CORIN: variants seen among roughly 807,000 people sequenced by gnomAD.
CORIN encodes the protein corin, serine peptidase, also known as atrial natriuretic peptide-converting enzyme.
In CORIN, 117 loss-of-function variants were observed where a neutral mutation model predicts 125.3. That is an observed-to-expected ratio of 0.93 (90% confidence interval 0.80 to 1.09). CORIN has a LOEUF of 1.09. Among genes scored for constraint, CORIN ranks in the 50% least tolerant of loss-of-function variants. CORIN has a pLI of 0.00. For missense variants in CORIN, 1,253 were observed against 1,306.7 expected, an observed-to-expected ratio of 0.96 and a Z score of 0.63; for synonymous variants, 450 against 466.4, an observed-to-expected ratio of 0.96 and a Z score of 0.45.
At chr4:47,755,953 A>G (rs1013453807) in intron 4 of CORIN, among the ~76,000 whole-genome samples, 4 of 152,218 alleles carry the variant, frequency 2.6e-5, no homozygotes, top group African/African-American at 9.6e-5. Flanking sequence ...CAGCTATTTA[A>G]TGAGCACCTG....
At chr4:47,766,946 C>CA (rs1045606316) in intron 3 of CORIN, among the ~76,000 whole-genome samples, 9,010 of 62,864 alleles carry the variant, frequency 0.14, 559 homozygotes, top group African/African-American at 0.25. Context: ...GACTCTGTCT[C>CA]AAAAAAAAAA....
intron 5 of CORIN, among the ~76,000 whole-genome samples, chr4:47,712,291 TTTTTA>T (rs1417422777): frequency 6.6e-6 from 1 of 152,182 alleles, no homozygotes; most frequent in Non-Finnish European, 1.5e-5. Context: ...CATTTAATTA[TTTTTA>T]TTTTGAGACA....
intron 5 of CORIN, among the ~76,000 whole-genome samples, chr4:47,717,901 A>T (rs1727173668): frequency 6.6e-6 from 1 of 152,218 alleles, no homozygotes; most frequent in African/African-American, 2.4e-5. Flanking sequence ...CACTAGATAC[A>T]AGATGAACAA....
intron 1 of CORIN, among the ~76,000 whole-genome samples, chr4:47,826,498 G>C (rs1231020432): frequency 6.6e-6 from 1 of 152,204 alleles, no homozygotes; most frequent in Non-Finnish European, 1.5e-5. Flanking sequence ...GTCTTTTTCA[G>C]CTTATAGTGG....
intron 10 of CORIN, among the ~76,000 whole-genome samples, chr4:47,673,513 A>G (rs1724866151): frequency 6.6e-6 from 1 of 152,194 alleles, no homozygotes. Context: ...ATGAAAACAG[A>G]GCCCAGGAGT....
intron 20 of CORIN, among the ~76,000 whole-genome samples, chr4:47,601,925 A>G (rs1324376981): frequency 6.6e-6 from 1 of 152,178 alleles, no homozygotes; most frequent in Non-Finnish European, 1.5e-5. Context: ...TACAATTTCT[A>G]AGGCCAATAA....
chr4:47,781,774 G>A (rs1730557695), intron 3 of CORIN, among the ~76,000 whole-genome samples: 1 of 151,766 alleles, frequency 6.6e-6, no homozygotes, highest in Admixed American at 6.6e-5. Flanking sequence ...CGTGTCTCTA[G>A]TAAAAATACA....
chr4:47,717,778 G>A (rs1018997210), intron 5 of CORIN, among the ~76,000 whole-genome samples: 4 of 152,066 alleles, frequency 2.6e-5, no homozygotes, highest in Non-Finnish European at 5.9e-5. Context: ...TACATTTAAA[G>A]ACCGAAAAAA....
intron 5 of CORIN, among the ~76,000 whole-genome samples, chr4:47,728,492 G>A (rs1727704326): frequency 6.6e-6 from 1 of 152,114 alleles, no homozygotes; most frequent in Non-Finnish European, 1.5e-5. Flanking sequence ...ACCATGATGG[G>A]GCGTACAAAG....
rs143769953 is a variant in CORIN, at chr4:47,729,683, C to A, written c.799+14719G>T. On this transcript the variant is annotated intron_variant, in intron 5 of 21. Transcript: ENST00000273857. ...AGGCCCCACCCTTAAGCTGGAAGACCCACAGCTCTAAGTGAGGACAGGCAT... is the reference window on the plus strand; with the variant it reads ...AGGCCCCACCCTTAAGCTGGAAGACACACAGCTCTAAGTGAGGACAGGCAT... Among the ~76,000 whole-genome samples, 35 of 152,174 alleles carry A rather than the reference C, an allele frequency of 2.3e-4. No individual in the cohort carries two copies. In the East Asian group the frequency reaches 6.6e-3, roughly 29 times the overall value.
At chr4:47,734,387 A>T (rs1414906538) in intron 5 of CORIN, among the ~76,000 whole-genome samples, 1 of 152,232 alleles carries the variant, frequency 6.6e-6, no homozygotes, top group Non-Finnish European at 1.5e-5. Context: ...GCAAGTCCAC[A>T]GTGCCGAATA....
chr4:47,603,365 C>T (rs372730080), intron 20 of CORIN, 32 bp downstream of exon 20: 1 of 1,600,494 alleles, frequency 6.2e-7, no homozygotes, highest in Non-Finnish European at 8.5e-7. Flanking sequence ...GTGCTTATAG[C>T]AGCATGAGAA....
chr4:47,804,438 A>G (rs1341236292), intron 2 of CORIN, among the ~76,000 whole-genome samples: 2 of 152,186 alleles, frequency 1.3e-5, no homozygotes, highest in Admixed American at 6.5e-5. Context: ...CACACTCGTC[A>G]ATATTTGGAA....
chr4:47,623,666 C>A lies in CORIN; in HGVS notation c.2445G>T (p.Trp815Cys), dbSNP rs762631726. ...GRTSRPGRWP[W>C]QCSLQSEPSG... ...TGGGTTCACTCTGCAGAGAACACTGCCATGGCCACCTTCCAGGGCGACTCG... is the reference window on the plus strand; with the variant it reads ...TGGGTTCACTCTGCAGAGAACACTGACATGGCCACCTTCCAGGGCGACTCG... The change falls in exon 19 of 22, where the codon TGG (tryptophan) becomes TGT (cysteine). Residue 815 changes from tryptophan to cysteine, a missense_variant. Physicochemically the swap from Trp to Cys is radical, Grantham distance 215 (BLOSUM62 -2). Transcript: ENST00000273857. 6.2e-7 allele frequency: 1 copy of A among 1,614,222 alleles called. No individual in the cohort carries two copies. Among genetic ancestry groups the A allele is most frequent in the South Asian group, 1.1e-5 (1 of 91,080 alleles).
intron 1 of CORIN, among the ~76,000 whole-genome samples, chr4:47,813,003 T>C (rs1732123512): frequency 6.6e-6 from 1 of 152,200 alleles, no homozygotes; most frequent in Non-Finnish European, 1.5e-5. Flanking sequence ...TGTACACCTG[T>C]TGACTACCGC....
intron 5 of CORIN, among the ~76,000 whole-genome samples, chr4:47,740,129 A>G (rs1728320074): frequency 1.3e-5 from 2 of 151,986 alleles, no homozygotes; most frequent in African/African-American, 4.8e-5. Context: ...TTTGTCTCAT[A>G]GATAAAAATA....
intron 3 of CORIN, among the ~76,000 whole-genome samples, chr4:47,774,740 G>A (rs997551982): frequency 5.9e-5 from 9 of 152,152 alleles, no homozygotes; most frequent in African/African-American, 2.2e-4. Flanking sequence ...GACAAGTCTT[G>A]CAGTGGCTTC....
In CORIN at chr4:47,626,405, C is replaced by T. The variant is rs140270156; in HGVS notation, c.2315G>A (p.Gly772Glu). The part of the protein sequence containing the change: ...GTTLHELLVN[G>E]QSCESRSKIS... The stretch of plus-strand genomic sequence containing the variant: ...ACAGCTCTTATGAATGCATTCTTAC[C>T]CATTTACTAGAAGTTCATGTAAAGT... The change falls in exon 17 of 22, where the codon GGG (glycine) becomes GAG (glutamate). Residue 772 changes from glycine to glutamate, a missense_variant and splice_region_variant. Coordinates refer to ENST00000273857, the MANE Select transcript of CORIN (RefSeq NM_006587.4). 1.3e-6 allele frequency: 2 copies of T among 1,549,368 alleles called. No individual in the cohort carries two copies. Among genetic ancestry groups the T allele is most frequent in the African/African-American group, 1.4e-5 (1 of 73,672 alleles).
intron 5 of CORIN, among the ~76,000 whole-genome samples, chr4:47,737,832 C>T (rs141997266): frequency 3.0e-4 from 46 of 152,248 alleles, no homozygotes; most frequent in African/African-American, 1.1e-3. Context: ...CAAGCAGCCA[C>T]TAGAAGGGGC....
Sources: allele counts gnomAD v4.1 joint callset (sites outside exome capture counted in the v4.1 genomes callset), GRCh38; gene constraint gnomAD v4.1.1; transcripts MANE v1.5; gene names NCBI Gene and HGNC (gene_info 2026-07-23, HGNC 2026-07-21).